The following FBLN2 variants were observed in gnomAD, a reference collection of about 807,000 sequenced individuals.
FBLN2 encodes the protein fibulin-2.
FBLN2 carries 81 observed loss-of-function variants against 123.7 expected under a neutral mutation model. That is an observed-to-expected ratio of 0.65 (90% CI 0.55 to 0.79). FBLN2 has a LOEUF of 0.79. Ranked by LOEUF, FBLN2 falls within the 30% of genes least tolerant of loss-of-function variation. FBLN2 has a pLI of 0.00. For missense variants in FBLN2, 1,603 were observed against 1,681.3 expected, an observed-to-expected ratio of 0.95 and a Z score of 0.81; for synonymous variants, 699 against 701.4, an observed-to-expected ratio of 1.00 and a Z score of 0.05.
intron 1 of FBLN2, among the ~76,000 whole-genome samples, chr3:13,564,696 T>C (rs753833): frequency 0.1 from 15,973 of 152,192 alleles, 948 homozygotes; most frequent in South Asian, 0.21. Context: ...GCCTGTGTGC[T>C]CACTAAGGTG....
chr3:13,629,395 G>T, intron 13 of FBLN2, 103 bp downstream of exon 13: 1 of 1,398,582 alleles, frequency 7.2e-7, no homozygotes, highest in Non-Finnish European at 9.5e-7. Flanking sequence ...GCCTGAGTGG[G>T]GCCCACCTGC....
At chr3:13,629,682 C>G in intron 13 of FBLN2, 138 bp from the exon 14 acceptor site, 1 of 1,222,914 alleles carries the variant, frequency 8.2e-7, no homozygotes, top group Non-Finnish European at 1.1e-6. Context: ...CTCTCTTTCC[C>G]TGTCCTGGCC....
At chr3:13,573,642 G>C (rs1254473256) in intron 2 of FBLN2, among the ~76,000 whole-genome samples, 1 of 152,140 alleles carries the variant, frequency 6.6e-6, no homozygotes, top group Non-Finnish European at 1.5e-5. Flanking sequence ...GGTGGCTCAC[G>C]CCTGTAATCC....
intron 1 of FBLN2, among the ~76,000 whole-genome samples, chr3:13,556,583 A>T (rs1476100965): frequency 6.6e-6 from 1 of 152,210 alleles, no homozygotes; most frequent in Admixed American, 6.5e-5. Context: ...CTGAGGATGG[A>T]AACACTGTAA....
intron 1 of FBLN2, among the ~76,000 whole-genome samples, chr3:13,560,558 C>T (rs1004272422): frequency 1.1e-4 from 16 of 152,314 alleles, no homozygotes; most frequent in South Asian, 4.1e-4. Flanking sequence ...CCTCCTGGCC[C>T]GGTAGCCCTT....
At chr3:13,567,869 G>A (rs1703796088) in intron 1 of FBLN2, among the ~76,000 whole-genome samples, 1 of 152,162 alleles carries the variant, frequency 6.6e-6, no homozygotes, top group Non-Finnish European at 1.5e-5. Flanking sequence ...GAGGTGGGAA[G>A]ATCGCTTGAG....
At chr3:13,616,710 G>A (rs1574986706) in intron 5 of FBLN2, among the ~76,000 whole-genome samples, 1 of 152,208 alleles carries the variant, frequency 6.6e-6, no homozygotes, top group Non-Finnish European at 1.5e-5. Flanking sequence ...GCCTCCCCCT[G>A]AAGTCCTGGC....
At position 13,571,396 on chromosome 3, in the gene FBLN2, G is replaced by A. The variant is rs367963795; in HGVS notation, c.1041G>A (p.Thr347=). 7.7e-5 allele frequency: 124 copies of A among 1,613,058 alleles called. No individual in the cohort carries two copies. In the African/African-American group the frequency reaches 1.2e-3, roughly 16 times the overall value. The change falls in exon 2 of 18, where the codon ACG becomes ACA. Residue 347 remains threonine, a synonymous_variant. Transcript: ENST00000404922. Reference sequence around the variant, plus strand: ...ACCTCATCCTGGATGCCCAAGCCACGTCCCGCAGCACTGGGCCGGAGGGCG... The same window carrying A: ...ACCTCATCCTGGATGCCCAAGCCACATCCCGCAGCACTGGGCCGGAGGGCG... ...EENLILDAQA[T]SRSTGPEGVT... is the part of the protein sequence containing the mutation.
At chr3:13,566,737 G>A (rs1703759258) in intron 1 of FBLN2, among the ~76,000 whole-genome samples, 1 of 152,252 alleles carries the variant, frequency 6.6e-6, no homozygotes, top group Non-Finnish European at 1.5e-5. Context: ...GACATCTCAG[G>A]GTGGCCAGAG....
intron 2 of FBLN2, among the ~76,000 whole-genome samples, chr3:13,592,328 T>C (rs986933582): frequency 3.3e-4 from 50 of 152,042 alleles, no homozygotes; most frequent in African/African-American, 1.1e-3. Context: ...ACCCGGCCAA[T>C]GTTTTCTGGC....
chr3:13,585,500 G>C (rs1259505325), intron 2 of FBLN2, among the ~76,000 whole-genome samples: 1 of 152,216 alleles, frequency 6.6e-6, no homozygotes, highest in African/African-American at 2.4e-5. Context: ...CTCTATATGT[G>C]ATGGTCCCAT....
chr3:13,600,722 T>C (rs1020410920), intron 2 of FBLN2, among the ~76,000 whole-genome samples: 12 of 151,898 alleles, frequency 7.9e-5, no homozygotes, highest in Non-Finnish European at 1.6e-4. Flanking sequence ...TTCAAGTGAT[T>C]CTCCTGCCTC....
At chr3:13,564,326 G>A (rs1359824612) in intron 1 of FBLN2, among the ~76,000 whole-genome samples, 2 of 152,064 alleles carry the variant, frequency 1.3e-5, no homozygotes, top group Non-Finnish European at 1.5e-5. Context: ...GCCATCCCTA[G>A]CAGTCCCAGT....
Position 13,570,329 on chromosome 3 carries a change from G to C in FBLN2, c.-27G>C, listed in dbSNP as rs750334804. On this transcript the variant is annotated 5_prime_UTR_variant, in exon 2 of 18. Transcript: ENST00000404922. ...GATTCCCCCAGGGTCTTACAGGAGA[G>C]GGGACCGTCCTGGGCTGGCCTGGAC... The C allele has an allele frequency of 6.7e-6, 10 of 1,497,356 alleles. No homozygotes were observed. The South Asian group carries it at 1.3e-4, about 19-fold the overall frequency. 92.8% of individuals were successfully genotyped at this position (1,497,356 alleles called of 1,614,324 possible). A position where few individuals can be genotyped will look rare whatever the true frequency, so the allele number is the denominator to read the frequency against.
At chr3:13,593,051 C>G (rs1704726344) in intron 2 of FBLN2, among the ~76,000 whole-genome samples, 2 of 152,226 alleles carry the variant, frequency 1.3e-5, no homozygotes, top group African/African-American at 4.8e-5. Context: ...CTTTGGATTT[C>G]ACATGTGCCA....
intron 7 of FBLN2, among the ~76,000 whole-genome samples, chr3:13,619,444 A>C: frequency 6.6e-6 from 1 of 150,894 alleles, no homozygotes. Flanking sequence ...CTTCTCCTCC[A>C]TCTCCCCATT....
chr3:13,637,638 A>C lies in FBLN2; in HGVS notation c.3415A>C (p.Asn1139His), dbSNP rs368835537. The C allele has an allele frequency of 5.0e-6, 8 of 1,613,810 alleles. No individual in the cohort carries two copies. Among genetic ancestry groups the C allele is most frequent in the Non-Finnish European group, 6.8e-6 (8 of 1,179,846 alleles). Residue 1139 changes from asparagine (N) to histidine (H), a missense_variant, in exon 18 of 18, where the codon AAC becomes CAC. Asn to His is a moderately conservative substitution (Grantham distance 68). Transcript: ENST00000404922. ...AGCGCGCATCACGCACTACCAGCTC[A>C]ACTTCCAGACGGGCCTCCTGGTGCC... ...SPARITHYQL[N>H]FQTGLLVPAH...
intron 2 of FBLN2, 31 bp from the exon 3 acceptor site, chr3:13,608,031 T>C: frequency 6.5e-7 from 1 of 1,534,602 alleles, no homozygotes; most frequent in Non-Finnish European, 8.8e-7. Context: ...GACTTATGAA[T>C]GGTGACTCTG....
chr3:13,630,752 G>A lies in FBLN2; in HGVS notation c.3022G>A (p.Gly1008Ser). ...RCSQECANIY[G>S]SYQCYCRQGY... ...CAGCCAGGAGTGTGCCAACATCTAT[G>A]GCTCCTACCAGTGCTACTGCCGCCA... The change falls in exon 15 of 18, where the codon GGC becomes AGC. Residue 1008 changes from glycine (G) to serine (S), a missense_variant. Physicochemically the swap from Gly to Ser is moderately conservative, Grantham distance 56. Coordinates refer to ENST00000404922, the MANE Select transcript of FBLN2 (RefSeq NM_001004019.2). 6.2e-7 allele frequency: 1 copy of A among 1,610,390 alleles called. No individual in the cohort carries two copies. Among genetic ancestry groups the A allele is most frequent in the Non-Finnish European group, 8.5e-7 (1 of 1,178,678 alleles).
Sources: allele counts gnomAD v4.1 joint callset (sites outside exome capture counted in the v4.1 genomes callset), GRCh38; gene constraint gnomAD v4.1.1; transcripts MANE v1.5; gene names NCBI Gene and HGNC (gene_info 2026-07-23, HGNC 2026-07-21).